The following GALNTL6 variants were observed in gnomAD, a reference collection of about 807,000 sequenced individuals.
The protein encoded by GALNTL6 is polypeptide N-acetylgalactosaminyltransferase like 6.
In GALNTL6, 46 loss-of-function variants were observed where a neutral mutation model predicts 73.7. That is an observed-to-expected ratio of 0.62 (90% CI 0.49 to 0.80). The LOEUF (loss-of-function observed/expected upper bound fraction) is 0.80, where lower values mean the gene tolerates loss of function less well. Among genes scored for constraint, GALNTL6 ranks in the 30% least tolerant of loss-of-function variants. The pLI is 0.00. For missense variants in GALNTL6, 604 were observed against 755.0 expected, an observed-to-expected ratio of 0.80 and a Z score of 2.34; for synonymous variants, 259 against 263.7, an observed-to-expected ratio of 0.98 and a Z score of 0.17.
rs1750082080 is a variant in GALNTL6 at position 172,962,042 on chromosome 4, G to T, written c.1371+9784G>T. Among the ~76,000 whole-genome samples the T allele has an allele frequency of 2.0e-5, 3 of 152,174 alleles. No homozygotes were observed. In the South Asian group the frequency reaches 6.2e-4, roughly 32 times the overall value. ...GGTGGTGCCATTTTATAGGATTTGG[G>T]TAGGTAAAGGAAAATTACAGTCAAA... On this transcript the variant is annotated intron_variant, in intron 10 of 12. Transcript: ENST00000506823.
At chr4:172,950,224 A>AG in intron 9 of GALNTL6, among the ~76,000 whole-genome samples, 1 of 152,348 alleles carries the variant, frequency 6.6e-6, no homozygotes, top group Non-Finnish European at 1.5e-5. Context: ...CTGTCTGTTA[A>AG]GGTAAACTGG....
intron 2 of GALNTL6, among the ~76,000 whole-genome samples, chr4:172,006,277 T>C (rs907174566): frequency 6.6e-6 from 1 of 152,192 alleles, no homozygotes; most frequent in African/African-American, 2.4e-5. Flanking sequence ...ATGTTTTTCC[T>C]ATATGCCAAT....
intron 2 of GALNTL6, among the ~76,000 whole-genome samples, chr4:172,172,716 C>T (rs994181612): frequency 2.0e-5 from 3 of 152,188 alleles, no homozygotes; most frequent in Non-Finnish European, 2.9e-5. Flanking sequence ...CAAACTAACA[C>T]ATCTTGGAGT....
chr4:172,183,638 A>G (rs988789535), intron 2 of GALNTL6, among the ~76,000 whole-genome samples: 7 of 152,190 alleles, frequency 4.6e-5, no homozygotes, highest in African/African-American at 1.4e-4. Context: ...CTTTAGAGCT[A>G]TCCTAGCCTT....
At position 172,745,053 on chromosome 4, in the gene GALNTL6, T is replaced by C. The variant is rs535418987; in HGVS notation, c.554-64308T>C. On this transcript the variant is annotated intron_variant, in intron 5 of 12. Transcript: ENST00000506823. ...GAGGTGATCATTGAAGTAACTAGGC[T>C]TGAAAGGATATGAGAAGAAATTAAA... Among the ~76,000 whole-genome samples the C allele has an allele frequency of 2.0e-4, 30 of 152,044 alleles. No homozygotes were observed. The South Asian group carries it at 6.2e-3, about 32-fold the overall frequency.
chr4:172,229,554 A>G, intron 2 of GALNTL6, 102 bp from the exon 3 acceptor site: 1 of 651,984 alleles, frequency 1.5e-6, no homozygotes, highest in Non-Finnish European at 2.7e-6. Context: ...TCACTTATTT[A>G]ACAGATATTC....
At chr4:172,624,684 T>G (rs1739094294) in intron 5 of GALNTL6, among the ~76,000 whole-genome samples, 1 of 152,074 alleles carries the variant, frequency 6.6e-6, no homozygotes, top group African/African-American at 2.4e-5. Flanking sequence ...TGCAATTAGA[T>G]CATACAATGT....
intron 2 of GALNTL6, among the ~76,000 whole-genome samples, chr4:171,990,789 A>C (rs1173116069): frequency 1.3e-5 from 2 of 152,204 alleles, no homozygotes; most frequent in Admixed American, 6.5e-5. Context: ...TTAGGAAATT[A>C]ATAGAATTTG....
chr4:172,004,648 A>C (rs1273694863), intron 2 of GALNTL6, among the ~76,000 whole-genome samples: 1 of 152,130 alleles, frequency 6.6e-6, no homozygotes, highest in Non-Finnish European at 1.5e-5. Flanking sequence ...TAATTTATAA[A>C]ATATGCTCTA....
chr4:172,897,450 G>A (rs914387154), intron 8 of GALNTL6, among the ~76,000 whole-genome samples: 5 of 152,164 alleles, frequency 3.3e-5, no homozygotes, highest in African/African-American at 7.2e-5. Flanking sequence ...GGCAATTTTC[G>A]GATTCACTGC....
At chr4:172,729,573 A>G (rs1283483649) in intron 5 of GALNTL6, among the ~76,000 whole-genome samples, 2 of 152,108 alleles carry the variant, frequency 1.3e-5, no homozygotes, top group African/African-American at 4.8e-5. Context: ...TGGATTCTCT[A>G]TTCTGTTCCA....
In GALNTL6 at chr4:172,645,346, T is replaced by A. The variant is rs532484278; in HGVS notation, c.554-164015T>A. ...TTTTTCTGCCTTTTCCACTTAGGAC[T>A]ATGATCCATAAATAATTTTTGTATA... On this transcript the variant is annotated intron_variant, in intron 5 of 12. Transcript: ENST00000506823. Among the ~76,000 whole-genome samples the A allele has an allele frequency of 5.3e-5, 8 of 152,176 alleles. No homozygotes were observed. In the South Asian group the frequency reaches 1.4e-3, roughly 28 times the overall value.
At chr4:172,174,392 TTTG>T (rs999452229) in intron 2 of GALNTL6, among the ~76,000 whole-genome samples, 3 of 152,208 alleles carry the variant, frequency 2.0e-5, no homozygotes, top group East Asian at 1.9e-4. Context: ...TTTCCCTTTT[TTTG>T]TTGTTGTTGT....
At chr4:171,948,037 A>T (rs1303764885) in intron 2 of GALNTL6, among the ~76,000 whole-genome samples, 1 of 152,092 alleles carries the variant, frequency 6.6e-6, no homozygotes, top group Non-Finnish European at 1.5e-5. Flanking sequence ...TCACTATTTC[A>T]TTTATGTAAT....
intron 3 of GALNTL6, among the ~76,000 whole-genome samples, chr4:172,271,016 C>T (rs923129049): frequency 4.6e-5 from 7 of 152,132 alleles, no homozygotes; most frequent in African/African-American, 9.6e-5. Flanking sequence ...TAGATAAAGA[C>T]CCAGACAGTC....
At chr4:172,182,291 A>G (rs72700987) in intron 2 of GALNTL6, among the ~76,000 whole-genome samples, 2 of 152,062 alleles carry the variant, frequency 1.3e-5, no homozygotes, top group Non-Finnish European at 2.9e-5. Flanking sequence ...TGTTTTCATT[A>G]GATGTGTCTT....
intron 2 of GALNTL6, among the ~76,000 whole-genome samples, chr4:172,137,914 T>C (rs1579174507): frequency 6.6e-6 from 1 of 152,172 alleles, no homozygotes; most frequent in Non-Finnish European, 1.5e-5. Flanking sequence ...GGCTACCAAA[T>C]AGTAAGCCAG....
chr4:172,295,823 G>A (rs1318963292), intron 3 of GALNTL6, among the ~76,000 whole-genome samples: 1 of 151,806 alleles, frequency 6.6e-6, no homozygotes, highest in African/African-American at 2.4e-5. Context: ...ATCATCATTA[G>A]TAACAACCTT....
chr4:171,966,155 T>A (rs1739375913), intron 2 of GALNTL6, among the ~76,000 whole-genome samples: 1 of 152,192 alleles, frequency 6.6e-6, no homozygotes, highest in Admixed American at 6.5e-5. Flanking sequence ...ATTCCTATAC[T>A]GTTAGTCATA....
Sources: gnomAD v4.1 joint callset for allele counts (sites outside exome capture counted in the v4.1 genomes callset) on GRCh38, gnomAD v4.1.1 for gene constraint, MANE v1.5 for transcripts, NCBI Gene and HGNC (gene_info 2026-07-23, HGNC 2026-07-21) for gene names.